The following NEDD9 variants were observed in gnomAD, a reference collection of about 807,000 sequenced individuals.
The protein encoded by NEDD9 is enhancer of filamentation 1.
A neutral mutation model predicts 76.6 loss-of-function variants in NEDD9; 26 were observed. That is an observed-to-expected ratio of 0.34 (90% CI 0.25 to 0.47). The LOEUF (loss-of-function observed/expected upper bound fraction) is 0.47. NEDD9 is among the 20% of genes least tolerant of loss of function. The probability of loss-of-function intolerance (pLI) is 1.00; values close to 1 mark genes in which losing one functional copy is unlikely to be tolerated. For synonymous variants in NEDD9, 392 were observed against 414.2 expected (o/e 0.95, Z 0.65); for missense variants, 937 against 1,058.5 (o/e 0.89, Z 1.59).
Position 11,190,176 on chromosome 6 carries a change from G to A in NEDD9, c.1693C>T (p.His565Tyr). The A allele has an allele frequency of 1.2e-6, 2 of 1,614,188 alleles. No individual in the cohort carries two copies. Among genetic ancestry groups the A allele is most frequent in the South Asian group, 2.2e-5 (2 of 91,090 alleles). ...ALFRPGPGSL[H>Y]LKNGPESIMN... is the part of the protein sequence containing the mutation. Reference sequence around the variant, plus strand: ...ATGCTCTCCGGCCCATTCTTCAGATGCAAGCTGCCAGGGCCGGGTCTGAAG... The same window carrying A: ...ATGCTCTCCGGCCCATTCTTCAGATACAAGCTGCCAGGGCCGGGTCTGAAG... Residue 565 changes from histidine (H) to tyrosine (Y), a missense_variant, in exon 5 of 7, where the codon CAT (histidine) becomes TAT (tyrosine). By Grantham distance (83) the His-to-Tyr change is moderately conservative. Transcript: ENST00000379446. The surrounding 1 kb of genome is among the most constrained non-coding windows in gnomAD (Gnocchi z 5.8).
intron 1 of NEDD9, among the ~76,000 whole-genome samples, chr6:11,372,337 T>G (rs1312233440): frequency 6.6e-6 from 1 of 152,228 alleles, no homozygotes; most frequent in Non-Finnish European, 1.5e-5. Flanking sequence ...GATCTCATTC[T>G]TTTTTATGGG....
At chr6:11,358,755 C>T (rs1028631591) in intron 1 of NEDD9, among the ~76,000 whole-genome samples, 1 of 152,102 alleles carries the variant, frequency 6.6e-6, no homozygotes, top group Non-Finnish European at 1.5e-5. Flanking sequence ...TGCAGTCTTC[C>T]ATGTGAAAGA....
At chr6:11,290,248 T>C (rs929228977) in intron 3 of NEDD9, among the ~76,000 whole-genome samples, 6 of 152,300 alleles carry the variant, frequency 3.9e-5, no homozygotes, top group South Asian at 2.1e-4. Context: ...TCAAGACATA[T>C]GTTTTCATGA....
chr6:11,280,171 G>C (rs892907486), intron 3 of NEDD9, among the ~76,000 whole-genome samples: 2 of 152,166 alleles, frequency 1.3e-5, no homozygotes, highest in African/African-American at 4.8e-5. Context: ...TTCATTGCCA[G>C]TGTCTTGTGG....
In NEDD9 at chr6:11,346,484, C is replaced by CCA. The variant is rs1554134767; in HGVS notation, c.-213-11924_-213-11923insTG. Among the ~76,000 whole-genome samples the CCA allele has an allele frequency of 3.1e-3, 467 of 151,850 alleles. 15 individuals are homozygous for CCA. The East Asian group carries it at 0.076, about 25-fold the overall frequency. Reference sequence around the variant, plus strand: ...TTATAAGAAGGCTCGGAGGCCCCCCCCCCCGAGGTGAGTGGAAAGCCCTCT... The same window carrying CCA: ...TTATAAGAAGGCTCGGAGGCCCCCCCCACCCCGAGGTGAGTGGAAAGCCCTCT... On this transcript the variant is annotated intron_variant, in intron 1 of 3. Coordinates refer to the NEDD9 transcript ENST00000397378.
At chr6:11,319,540 G>A (rs371933406) in intron 2 of NEDD9, among the ~76,000 whole-genome samples, 11,270 of 76,856 alleles carry the variant, frequency 0.15, 548 homozygotes, top group Admixed American at 0.25. Flanking sequence ...ACTAACATGC[G>A]GACACACACT....
upstream of NEDD9, among the ~76,000 whole-genome samples, chr6:11,236,277 C>T (rs1038575466): frequency 7.9e-5 from 12 of 152,122 alleles, no homozygotes; most frequent in African/African-American, 2.7e-4. The surrounding 1 kb of genome is among the most constrained non-coding windows in gnomAD (Gnocchi z 5.5). Flanking sequence ...GGTGGGCATC[C>T]CCTCCTGTCA....
upstream of NEDD9, chr6:11,232,723 C>T: frequency 7.0e-7 from 1 of 1,432,948 alleles, no homozygotes; most frequent in Non-Finnish European, 9.1e-7. Flanking sequence ...TGCATGCCGC[C>T]CCGCCATTGG....
intron 1 of NEDD9, among the ~76,000 whole-genome samples, chr6:11,377,120 G>T (rs1325827128): frequency 2.0e-5 from 3 of 152,234 alleles, no homozygotes; most frequent in Non-Finnish European, 4.4e-5. Flanking sequence ...GGGTGCTCAG[G>T]CAGAAGCCTA....
At chr6:11,267,525 A>G (rs1760222682) in intron 3 of NEDD9, among the ~76,000 whole-genome samples, 1 of 152,224 alleles carries the variant, frequency 6.6e-6, no homozygotes, top group Admixed American at 6.5e-5. Flanking sequence ...ATATTTTGAT[A>G]TTAGAAGAGA....
chr6:11,190,724 G>A lies in NEDD9; in HGVS notation c.1145C>T (p.Thr382Met), dbSNP rs200751520. ...STGSTRSNMS[T>M]SSTSSKESSL... The stretch of plus-strand genomic sequence containing the variant: ...GGACTCCTTGGAGGAGGTGGAAGAC[G>A]TGGACATGTTACTCCGGGTGCTGCC... The change falls in exon 5 of 7, where the codon ACG (threonine) becomes ATG (methionine). Residue 382 changes from threonine (T) to methionine (M), a missense_variant. Transcript: ENST00000379446. This position sits in a 1 kb window ranked among gnomAD's most constrained non-coding sequence, Gnocchi z 5.8. 71 of 1,614,052 alleles carry A rather than the reference G, an allele frequency of 4.4e-5. No homozygotes were observed. The highest frequency in any genetic ancestry group is 5.8e-5 in the Non-Finnish European group (68 of 1,180,040).
At position 11,185,471 on chromosome 6, in the gene NEDD9, A is replaced by G. The variant is rs1581938734; in HGVS notation, c.2196T>C (p.Cys732=). The change falls in exon 7 of 7, where the codon TGT becomes TGC. Residue 732 remains cysteine, a synonymous_variant. Transcript: ENST00000379446. ...TTCGCGGGGGCTGGGCTGAGCTGAC[A>G]CAACTGAAGAGTGCGTCAATGGCGT... ...LLNAIDALFS[C]VSSAQPPRIF... is the part of the protein sequence containing the mutation. The G allele has an allele frequency of 1.9e-6, 3 of 1,614,222 alleles. No individual in the cohort carries two copies. Among genetic ancestry groups the G allele is most frequent in the Middle Eastern group, 1.6e-4 (1 of 6,062 alleles).
intron 2 of NEDD9, among the ~76,000 whole-genome samples, chr6:11,195,238 G>C (rs550659552): frequency 6.6e-6 from 1 of 152,158 alleles, no homozygotes. Flanking sequence ...TTCTTGCAAC[G>C]AAGTAAAAGA....
intron 3 of NEDD9, among the ~76,000 whole-genome samples, chr6:11,303,092 G>A (rs1338258710): frequency 6.6e-6 from 1 of 152,190 alleles, no homozygotes; most frequent in East Asian, 1.9e-4. Context: ...GCTTGCAGAT[G>A]ACATGATTGT....
At chr6:11,305,915 T>C in intron 3 of NEDD9, 2 of 1,492,890 alleles carry the variant, frequency 1.3e-6, no homozygotes, top group Non-Finnish European at 1.9e-6. Context: ...TTTGTATTAT[T>C]ATTGCAGAGA....
chr6:11,344,339 T>C (rs1762328064), intron 1 of NEDD9, among the ~76,000 whole-genome samples: 1 of 152,200 alleles, frequency 6.6e-6, no homozygotes. Flanking sequence ...TGAAGATGTT[T>C]ATCCTGGAGA....
At chr6:11,199,637 C>CTTCTTTT in intron 2 of NEDD9, 1 of 43,110 alleles carries the variant, frequency 2.3e-5, no homozygotes, top group Non-Finnish European at 4.3e-5. Context: ...TAGGAAAGAT[C>CTTCTTTT]TTTTTTTTTT....
intron 3 of NEDD9, among the ~76,000 whole-genome samples, chr6:11,278,998 C>T (rs1347508026): frequency 6.6e-6 from 1 of 151,870 alleles, no homozygotes; most frequent in Admixed American, 6.5e-5. Context: ...CCTAGGTCTG[C>T]AGACATCTTA....
intron 3 of NEDD9, among the ~76,000 whole-genome samples, chr6:11,264,432 G>A (rs1760168450): frequency 6.6e-6 from 1 of 152,164 alleles, no homozygotes; most frequent in South Asian, 2.1e-4. Flanking sequence ...AGCAAGAGAA[G>A]GGGTCCCCAA....
Sources: gnomAD v4.1 joint callset for allele counts (sites outside exome capture counted in the v4.1 genomes callset) on GRCh38, gnomAD v4.1.1 for gene constraint, Gnocchi (gnomAD v3.1) non-coding constraint, MANE v1.5 for transcripts, NCBI Gene and HGNC (gene_info 2026-07-23, HGNC 2026-07-21) for gene names.